Variants in TSNARE1 observed in about 807,000 individuals in gnomAD.
TSNARE1 encodes t-SNARE domain containing 1.
A neutral mutation model predicts 62.0 loss-of-function variants in TSNARE1; 49 were observed. That is an observed-to-expected ratio of 0.79 (90% CI 0.63 to 1.00). The LOEUF (loss-of-function observed/expected upper bound fraction) is 1.00. TSNARE1 is among the 50% of genes least tolerant of loss of function. The probability of loss-of-function intolerance (pLI) is 0.00; values close to 1 mark genes in which losing one functional copy is unlikely to be tolerated. For synonymous variants in TSNARE1, 328 were observed against 294.4 expected (o/e 1.11, Z -1.17); for missense variants, 755 against 700.1 (o/e 1.08, Z -0.88).
At chr8:142,323,587 G>A (rs945336121) in intron 6 of TSNARE1, among the ~76,000 whole-genome samples, 4 of 152,342 alleles carry the variant, frequency 2.6e-5, no homozygotes, top group Admixed American at 6.5e-5. Flanking sequence ...GGGAAATGGC[G>A]ACTCCAATCT....
At chr8:142,361,445 A>G (rs7822319) in intron 1 of TSNARE1, among the ~76,000 whole-genome samples, 1,648 of 152,282 alleles carry the variant, frequency 0.011, 25 homozygotes, top group African/African-American at 0.037. Context: ...ACGGCAGCAG[A>G]GGCAATGGCA....
At chr8:142,341,123 G>A (rs778509734) in intron 4 of TSNARE1, among the ~76,000 whole-genome samples, 29 of 152,150 alleles carry the variant, frequency 1.9e-4, no homozygotes, top group Non-Finnish European at 3.8e-4. Context: ...GTCCCCCGAC[G>A]CCTCCCATCT....
At chr8:142,352,826 G>C (rs1470596895) in intron 2 of TSNARE1, among the ~76,000 whole-genome samples, 1 of 152,196 alleles carries the variant, frequency 6.6e-6, no homozygotes, top group East Asian at 1.9e-4. Flanking sequence ...AAGGAGGCAG[G>C]AGGGTAAAGG....
chr8:142,381,274 T>C (rs1339581103), intron 1 of TSNARE1, among the ~76,000 whole-genome samples: 1 of 152,250 alleles, frequency 6.6e-6, no homozygotes, highest in African/African-American at 2.4e-5. Flanking sequence ...CCCAAGGCCA[T>C]GTCTCAGCCA....
chr8:142,248,103 C>A (rs1163787671), intron 12 of TSNARE1, among the ~76,000 whole-genome samples: 1 of 152,130 alleles, frequency 6.6e-6, no homozygotes, highest in Non-Finnish European at 1.5e-5. Context: ...GGGACCAAGG[C>A]CCTTACAAGG....
chr8:142,331,599 G>A (rs1161856493), intron 5 of TSNARE1, among the ~76,000 whole-genome samples, 155 bp downstream of exon 5: 5 of 152,156 alleles, frequency 3.3e-5, no homozygotes, highest in Non-Finnish European at 2.9e-5. Flanking sequence ...CAGCACCCTC[G>A]CATCCAACGT....
At chr8:142,352,767 C>T (rs1326202625) in intron 2 of TSNARE1, among the ~76,000 whole-genome samples, 1 of 152,146 alleles carries the variant, frequency 6.6e-6, no homozygotes, top group Non-Finnish European at 1.5e-5. Flanking sequence ...TAAGCAAAAC[C>T]GTGAAGAACC....
chr8:142,402,489 AG>A (rs986510302), intron 1 of TSNARE1, among the ~76,000 whole-genome samples: 2 of 152,246 alleles, frequency 1.3e-5, no homozygotes, highest in African/African-American at 4.8e-5. Context: ...AACAAACACG[AG>A]GTCCCTGGAG....
At chr8:142,298,852 G>A (rs898003118) in intron 10 of TSNARE1, among the ~76,000 whole-genome samples, 1 of 152,192 alleles carries the variant, frequency 6.6e-6, no homozygotes, top group Admixed American at 6.5e-5. Context: ...AGCCTTCAGG[G>A]CAGTGCTCCT....
chr8:142,369,440 A>T (rs563660957), intron 1 of TSNARE1, among the ~76,000 whole-genome samples: 1 of 152,320 alleles, frequency 6.6e-6, no homozygotes, highest in African/African-American at 2.4e-5. Flanking sequence ...CAATCAAATC[A>T]ATCAAAAAGT....
intron 1 of TSNARE1, among the ~76,000 whole-genome samples, chr8:142,367,300 A>C (rs923960384): frequency 2.0e-5 from 3 of 152,250 alleles, no homozygotes; most frequent in African/African-American, 7.2e-5. Context: ...CACAAGAATA[A>C]CTGGGAAAAC....
At chr8:142,369,945 A>G (rs1434983754) in intron 1 of TSNARE1, among the ~76,000 whole-genome samples, 3 of 152,228 alleles carry the variant, frequency 2.0e-5, no homozygotes, top group Non-Finnish European at 2.9e-5. Context: ...TGTGTTTTCC[A>G]AGGTTGGAAT....
At chr8:142,343,404 G>A (rs1832861721) in intron 4 of TSNARE1, among the ~76,000 whole-genome samples, 1 of 151,748 alleles carries the variant, frequency 6.6e-6, no homozygotes, top group African/African-American at 2.4e-5. Flanking sequence ...CGTGGCCATG[G>A]GGAGCGTCGG....
intron 11 of TSNARE1, chr8:142,278,475 AGG>A: frequency 2.0e-6 from 2 of 985,330 alleles, no homozygotes; most frequent in Non-Finnish European, 2.4e-6. Flanking sequence ...CAGGAAGGGG[AGG>A]GTCCAGCGGG....
chr8:142,291,149 G>A lies in TSNARE1; in HGVS notation c.1291-6664C>T, dbSNP rs922997953. The stretch of plus-strand genomic sequence containing the variant: ...GGATTAAGTCACTGGCTCCTGGGGC[G>A]CTGGCTCTTTCCATGCCTGGCTCTG... On this transcript the variant is annotated intron_variant, in intron 10 of 13. Transcript: ENST00000524325. This position sits in a 1 kb window ranked among gnomAD's most constrained non-coding sequence, Gnocchi z 4.8. Among the ~76,000 whole-genome samples the A allele has an allele frequency of 9.2e-5, 14 of 152,012 alleles. No individual in the cohort carries two copies. Among genetic ancestry groups the A allele is most frequent in the African/African-American group, 2.9e-4 (12 of 41,386 alleles).
chr8:142,306,961 T>C (rs921732521), intron 9 of TSNARE1, among the ~76,000 whole-genome samples: 31 of 152,284 alleles, frequency 2.0e-4, no homozygotes, highest in African/African-American at 7.0e-4. Flanking sequence ...CCAGCACCTG[T>C]CATCCCAGGC....
At chr8:142,346,424 G>A (rs767604245) in intron 2 of TSNARE1, among the ~76,000 whole-genome samples, 13 of 152,372 alleles carry the variant, frequency 8.5e-5, no homozygotes, top group East Asian at 3.9e-4. Flanking sequence ...GCCCCCGCAC[G>A]GAACGCATCG....
chr8:142,347,837 C>T lies in TSNARE1; in HGVS notation c.89-1945G>A, dbSNP rs538602475. ...CCGCTCACCCAAGTCCAGAAGGACACGCCATCACCTCGCCACACTGCATCC... is the reference window on the plus strand; with the variant it reads ...CCGCTCACCCAAGTCCAGAAGGACATGCCATCACCTCGCCACACTGCATCC... On this transcript the variant is annotated intron_variant, in intron 2 of 13. Coordinates refer to ENST00000524325, the MANE Select transcript of TSNARE1 (RefSeq NM_145003.5). Among the ~76,000 whole-genome samples the T allele has an allele frequency of 1.7e-4, 25 of 150,660 alleles. No individual in the cohort carries two copies. In the South Asian group the frequency reaches 3.6e-3, roughly 22 times the overall value.
intron 11 of TSNARE1, 46 bp from the exon 12 acceptor site, chr8:142,274,909 C>T (rs375485787): frequency 1.9e-5 from 27 of 1,458,690 alleles, no homozygotes; most frequent in African/African-American, 1.2e-4. Context: ...GAGGCCCAGC[C>T]GCCCCCGCCC....
Sources: allele counts gnomAD v4.1 joint callset (sites outside exome capture counted in the v4.1 genomes callset), GRCh38; gene constraint gnomAD v4.1.1; non-coding constraint Gnocchi (gnomAD v3.1); transcripts MANE v1.5; gene names NCBI Gene and HGNC (gene_info 2026-07-23, HGNC 2026-07-21).